The following NLRP5 variants were observed in gnomAD, a reference collection of about 807,000 sequenced individuals.
NLRP5 encodes the protein NACHT, LRR and PYD domains-containing protein 5.
Under a neutral mutation model 113.1 loss-of-function variants are expected in NLRP5, and 93 were observed. The observed-to-expected ratio is 0.82, with a 90% CI of 0.70 to 0.98. The LOEUF is 0.98. Among genes scored for constraint, NLRP5 ranks in the 50% least tolerant of loss-of-function variants. The pLI, the probability that NLRP5 is intolerant of heterozygous loss-of-function variation, is 0.00. For synonymous variants in NLRP5, 751 were observed against 600.7 expected, an observed-to-expected ratio of 1.25 and a Z score of -3.66; for missense variants, 1,808 against 1,514.3, an observed-to-expected ratio of 1.19 and a Z score of -3.22.
Position 56,058,024 on chromosome 19 carries a change from A to G in NLRP5, c.3300-216A>G, listed in dbSNP as rs558679234. Among the ~76,000 whole-genome samples the G allele has an allele frequency of 5.3e-4, 70 of 132,884 alleles. 1 individual carries two copies. In the South Asian group the frequency reaches 0.01, roughly 19 times the overall value. The allele number at this position is 132,884 out of a possible 152,430, so 87.2% of individuals were successfully genotyped here. ...GTCTGGGCAACAAGAGTGAAATGCT[A>G]TCTCAAAAAAAAAAAAAAAAGGCGA... On this transcript the variant is annotated intron_variant, in intron 13 of 14. Coordinates refer to ENST00000390649, the MANE Select transcript of NLRP5 (RefSeq NM_153447.4).
intron 4 of NLRP5, 158 bp from the exon 5 acceptor site, chr19:56,019,184 G>T: frequency 1.3e-6 from 1 of 747,806 alleles, no homozygotes; most frequent in East Asian, 2.7e-5. Flanking sequence ...AGTGCTCATT[G>T]TACCAGTGCA....
rs188657819 is a variant in NLRP5 at position 56,011,250 on chromosome 19, T to A, written c.508+2397T>A. ...TGAAGGAAACCATCACAAAAAGATA[T>A]ATATTGAATGATTCCATTCATATAA... On this transcript the variant is annotated intron_variant, in intron 3 of 14. Coordinates refer to ENST00000390649, the MANE Select transcript of NLRP5 (RefSeq NM_153447.4). 3.2e-3 allele frequency among the ~76,000 whole-genome samples: 483 copies of A among 152,202 alleles called. 1 individual carries two copies. The highest frequency in any genetic ancestry group is 0.011 in the African/African-American group (458 of 41,536).
At chr19:56,040,717 C>A (rs976800289) in intron 10 of NLRP5, among the ~76,000 whole-genome samples, 1 of 152,190 alleles carries the variant, frequency 6.6e-6, no homozygotes, top group Non-Finnish European at 1.5e-5. Context: ...TCTAATCACC[C>A]ACAATACTTA....
intron 11 of NLRP5, among the ~76,000 whole-genome samples, chr19:56,042,150 G>T (rs1172295666): frequency 1.3e-5 from 2 of 152,104 alleles, no homozygotes; most frequent in Non-Finnish European, 2.9e-5. Context: ...GAGCACTCCC[G>T]GTATTGATTT....
At chr19:56,021,340 A>T (rs1386325564) in intron 6 of NLRP5, among the ~76,000 whole-genome samples, 1 of 152,146 alleles carries the variant, frequency 6.6e-6, no homozygotes, top group African/African-American at 2.4e-5. Flanking sequence ...TATAATTAGG[A>T]TTTTATATAC....
Position 56,027,761 on chromosome 19 carries a change from C to CT in NLRP5, c.1529dup (p.Thr511HisfsTer32), listed in dbSNP as rs748311147. ...GCACGCCGCTTTTGTGTTTCATCAG[C>CT]TCACCCCTCGAGGCGTGGTCCGGCG... On this transcript the variant is annotated frameshift_variant, in exon 7 of 15. Coordinates refer to ENST00000390649, the MANE Select transcript of NLRP5 (RefSeq NM_153447.4). LOFTEE classifies it high-confidence loss of function. 5.6e-6 allele frequency: 9 copies of CT among 1,613,862 alleles called. No individual in the cohort carries two copies. In the South Asian group the frequency reaches 9.9e-5, roughly 18 times the overall value.
chr19:56,024,602 C>CACACAT (rs1555766974), intron 6 of NLRP5, among the ~76,000 whole-genome samples: 14 of 150,228 alleles, frequency 9.3e-5, no homozygotes, highest in South Asian at 2.1e-4. Flanking sequence ...CACACACACA[C>CACACAT]ATGAAATTAG....
At chr19:56,015,940 A>G (rs1177631824) in intron 4 of NLRP5, 142 bp downstream of exon 4, 1 of 564,974 alleles carries the variant, frequency 1.8e-6, no homozygotes, top group Non-Finnish European at 3.1e-6. Flanking sequence ...CCTCTTCCCT[A>G]AGAGATCTTG....
intron 10 of NLRP5, among the ~76,000 whole-genome samples, chr19:56,039,142 T>C (rs948846986): frequency 2.0e-4 from 31 of 152,284 alleles, no homozygotes; most frequent in Admixed American, 2.0e-3. Flanking sequence ...GTGCTGTTGA[T>C]AACCCTATCG....
chr19:56,021,023 C>T (rs1982594238), intron 6 of NLRP5, among the ~76,000 whole-genome samples: 1 of 151,894 alleles, frequency 6.6e-6, no homozygotes, highest in South Asian at 2.1e-4. Flanking sequence ...ACAGGCCTGC[C>T]ACCATGCCCG....
At chr19:56,033,453 A>T in intron 8 of NLRP5, 89 bp from the exon 9 acceptor site, 1 of 1,023,086 alleles carries the variant, frequency 9.8e-7, no homozygotes, top group Non-Finnish European at 1.5e-6. Flanking sequence ...AGAAATTTGC[A>T]AGTTAGAATG....
chr19:56,021,792 C>A (rs1982626606), intron 6 of NLRP5, among the ~76,000 whole-genome samples: 1 of 152,070 alleles, frequency 6.6e-6, no homozygotes, highest in African/African-American at 2.4e-5. Flanking sequence ...TCCTAGGAGG[C>A]AGTGATGGAA....
chr19:55,997,314 A>T (rs976011056), upstream of NLRP5, among the ~76,000 whole-genome samples: 1 of 152,122 alleles, frequency 6.6e-6, no homozygotes, highest in South Asian at 2.1e-4. Context: ...CCACTTCATC[A>T]TGGGGAATGA....
rs3055366 is a variant in NLRP5 at position 56,025,386 on chromosome 19, T to TTCTCTCTCTCTCTCTCTCTCTC, written c.680-1508_680-1507insCTCTCTCTCTCTCTCTCTCTCT. Among the ~76,000 whole-genome samples, 308 of 146,544 alleles carry TTCTCTCTCTCTCTCTCTCTCTC rather than the reference T, an allele frequency of 2.1e-3. 2 individuals are homozygous for TTCTCTCTCTCTCTCTCTCTCTC. Among genetic ancestry groups the TTCTCTCTCTCTCTCTCTCTCTC allele is most frequent in the African/African-American group, 3.0e-3 (121 of 40,242 alleles). ...GTTTGACCTCAAGGAACGTGCTCCG[T>TTCTCTCTCTCTCTCTCTCTCTC]TCTCTCTCTCTCTCTCTCTGTCTCT... is the stretch of plus-strand genomic sequence containing the variant. On this transcript the variant is annotated intron_variant, in intron 6 of 14. Coordinates refer to ENST00000390649, the MANE Select transcript of NLRP5 (RefSeq NM_153447.4).
chr19:56,007,100 C>T (rs909150931), intron 2 of NLRP5, among the ~76,000 whole-genome samples: 2 of 151,382 alleles, frequency 1.3e-5, no homozygotes, highest in South Asian at 2.1e-4. Context: ...CCGTGGCTCA[C>T]GCCTGTAATC....
At chr19:55,988,179 G>A in the NLRP5 span, 2 of 237,370 alleles carry the variant, frequency 8.4e-6, no homozygotes, top group Admixed American at 1.1e-4. Flanking sequence ...ATTACCTGAG[G>A]TCAGGAGTTC....
rs1414563064 is a variant in NLRP5 at position 56,027,325 on chromosome 19, C to G, written c.1092C>G (p.Phe364Leu). ...GGCTGTTGTTCATCATTGACGGTTT[C>G]GATGACCTGGGCTCTGTCCTCAACA... is the stretch of plus-strand genomic sequence containing the variant. The change falls in exon 7 of 15, where the codon TTC becomes TTG. Residue 364 changes from phenylalanine (F) to leucine (L), a missense_variant. Transcript: ENST00000390649. The G allele has an allele frequency of 6.2e-7, 1 of 1,612,576 alleles. No homozygotes were observed. Among genetic ancestry groups the G allele is most frequent in the Non-Finnish European group, 8.5e-7 (1 of 1,179,856 alleles).
chr19:56,005,487 A>G (rs1429591813), intron 2 of NLRP5, among the ~76,000 whole-genome samples: 4 of 149,920 alleles, frequency 2.7e-5, no homozygotes, highest in African/African-American at 9.9e-5. Flanking sequence ...ACACACACAC[A>G]CGCAGGTGGC....
intron 6 of NLRP5, 30 bp downstream of exon 6, chr19:56,020,461 C>A (rs1982572493): frequency 6.2e-7 from 1 of 1,605,452 alleles, no homozygotes; most frequent in Admixed American, 1.7e-5. Flanking sequence ...TCCTTGGTTG[C>A]CCTCCTGGAA....
Sources: allele counts gnomAD v4.1 joint callset (sites outside exome capture counted in the v4.1 genomes callset), GRCh38; gene constraint gnomAD v4.1.1; transcripts MANE v1.5; gene names NCBI Gene and HGNC (gene_info 2026-07-23, HGNC 2026-07-21).